Variants in RPH3A observed in about 807,000 individuals in gnomAD.
RPH3A encodes rabphilin-3A.
RPH3A carries 48 observed loss-of-function variants against 102.2 expected under a neutral mutation model. The observed-to-expected ratio is 0.47, with a 90% CI of 0.37 to 0.60. The LOEUF (loss-of-function observed/expected upper bound fraction) is 0.60. RPH3A is among the 20% of genes least tolerant of loss of function. RPH3A has a pLI of 0.00. For synonymous variants in RPH3A, 310 were observed against 324.3 expected (o/e 0.96, Z 0.47); for missense variants, 781 against 910.1 (o/e 0.86, Z 1.83).
chr12:112,760,315 T>C (rs1000489248), intron 1 of RPH3A, among the ~76,000 whole-genome samples: 1 of 152,186 alleles, frequency 6.6e-6, no homozygotes, highest in African/African-American at 2.4e-5. Context: ...ATTGTCTTCT[T>C]TTGTACAACC....
At chr12:112,720,462 A>T (rs1408344848) in intron 1 of RPH3A, among the ~76,000 whole-genome samples, 1 of 152,246 alleles carries the variant, frequency 6.6e-6, no homozygotes, top group African/African-American at 2.4e-5. Context: ...TAAAAGAACA[A>T]GATTTTCCTT....
At chr12:112,784,418 A>G (rs2041030290) in intron 1 of RPH3A, among the ~76,000 whole-genome samples, 1 of 152,132 alleles carries the variant, frequency 6.6e-6, no homozygotes, top group Non-Finnish European at 1.5e-5. Context: ...AAAATTGTTC[A>G]AAGACAGCAG....
Position 112,640,784 on chromosome 12 carries a change from A to AT in RPH3A, c.-140+65466dup, listed in dbSNP as rs2039883871. On this transcript the variant is annotated intron_variant, in intron 1 of 21. Transcript: ENST00000543106. ...TGGAGGAGTGTGAAGAATGATGAAC[A>AT]TGACAAGTGAGAATCCTTTAGTCTC... Among the ~76,000 whole-genome samples the AT allele has an allele frequency of 2.0e-5, 3 of 152,174 alleles. No individual in the cohort carries two copies. In the South Asian group the frequency reaches 6.2e-4, roughly 32 times the overall value.
intron 1 of RPH3A, among the ~76,000 whole-genome samples, chr12:112,673,098 G>C (rs1036868075): frequency 4.6e-5 from 7 of 151,912 alleles, no homozygotes; most frequent in Admixed American, 3.9e-4. Context: ...TTCCCTCTCT[G>C]TCTCATTTCC....
chr12:112,789,887 CAAA>C (rs144494791), upstream of RPH3A, among the ~76,000 whole-genome samples: 5 of 70,784 alleles, frequency 7.1e-5, no homozygotes, highest in South Asian at 5.0e-4. Context: ...CCCATCTCTG[CAAA>C]AAAAAAAAAA....
At chr12:112,793,086 T>A (rs2041156118) in intron 2 of RPH3A, among the ~76,000 whole-genome samples, 1 of 152,152 alleles carries the variant, frequency 6.6e-6, no homozygotes. Context: ...TCAGTTTTGT[T>A]CCAGGGTAGA....
intron 1 of RPH3A, among the ~76,000 whole-genome samples, chr12:112,614,612 C>T (rs1223215522): frequency 2.1e-5 from 3 of 141,182 alleles, no homozygotes; most frequent in Admixed American, 7.6e-5. Context: ...CTCCTGAGCC[C>T]GGGAAGTCCA....
chr12:112,829,443 A>C (rs1367942961), intron 3 of RPH3A, among the ~76,000 whole-genome samples: 3 of 151,408 alleles, frequency 2.0e-5, no homozygotes, highest in Admixed American at 1.3e-4. Flanking sequence ...GCTAACTTTA[A>C]TTTCTTTTTG....
At chr12:112,778,305 C>A (rs2040982602) in intron 1 of RPH3A, among the ~76,000 whole-genome samples, 1 of 152,196 alleles carries the variant, frequency 6.6e-6, no homozygotes, top group Non-Finnish European at 1.5e-5. Flanking sequence ...GCCAAACTGG[C>A]TCCCACTGAT....
intron 1 of RPH3A, among the ~76,000 whole-genome samples, chr12:112,709,549 CA>C (rs369557001): frequency 0.012 from 1,586 of 128,184 alleles, 11 homozygotes; most frequent in Middle Eastern, 0.048. Context: ...AACCCTGTCT[CA>C]AAAAAAAAAA....
chr12:112,811,768 A>ATG (rs1369811679), intron 2 of RPH3A, among the ~76,000 whole-genome samples: 1 of 152,202 alleles, frequency 6.6e-6, no homozygotes, highest in Admixed American at 6.5e-5. Flanking sequence ...AGTATTGGCT[A>ATG]TGTGTGTGTA....
intron 1 of RPH3A, among the ~76,000 whole-genome samples, chr12:112,610,819 G>A (rs1163557105): frequency 1.3e-5 from 2 of 152,006 alleles, no homozygotes; most frequent in African/African-American, 4.8e-5. Flanking sequence ...CTTATCTTTA[G>A]TAGAGACAGG....
intron 1 of RPH3A, among the ~76,000 whole-genome samples, chr12:112,718,429 T>C (rs534391092): frequency 1.3e-5 from 2 of 152,142 alleles, no homozygotes; most frequent in African/African-American, 4.8e-5. Flanking sequence ...ATGTCTAAAG[T>C]CTATAACAAT....
chr12:112,792,535 C>T (rs1379546880), intron 2 of RPH3A, among the ~76,000 whole-genome samples: 1 of 152,170 alleles, frequency 6.6e-6, no homozygotes, highest in Non-Finnish European at 1.5e-5. Flanking sequence ...CCCAATTTGC[C>T]CTCTCCTTTG....
chr12:112,891,414 G>A (rs114097616), intron 19 of RPH3A, among the ~76,000 whole-genome samples: 6,437 of 152,264 alleles, frequency 0.042, 366 homozygotes, highest in African/African-American at 0.13. Context: ...CATGCCTTCA[G>A]TCTGGGGTCT....
chr12:112,712,985 TCGTCTTTG>T (rs2040481701), intron 1 of RPH3A, among the ~76,000 whole-genome samples: 2 of 112,286 alleles, frequency 1.8e-5, no homozygotes, highest in African/African-American at 3.0e-5. Flanking sequence ...TTCTTCTTCG[TCGTCTTTG>T]TCTTCCTCTT....
intron 12 of RPH3A, 47 bp downstream of exon 12, chr12:112,875,788 C>T (rs148149726): frequency 1.3e-6 from 2 of 1,558,560 alleles, no homozygotes; most frequent in African/African-American, 2.7e-5. Context: ...CCACCTCTCC[C>T]CTACCTCCCT....
In RPH3A at chr12:112,662,246, G is replaced by C. The variant is rs76241992; in HGVS notation, c.-140+86927G>C. On this transcript the variant is annotated intron_variant, in intron 1 of 21. Coordinates refer to the RPH3A transcript ENST00000543106. Reference sequence around the variant, plus strand: ...TATTGTAAGGGAGTGTTTCCCTGGCGTGTCTCCCATTTGACTCACTCCAGA... The same window carrying C: ...TATTGTAAGGGAGTGTTTCCCTGGCCTGTCTCCCATTTGACTCACTCCAGA... Among the ~76,000 whole-genome samples the C allele has an allele frequency of 5.8e-3, 877 of 152,246 alleles. 8 individuals are homozygous for C. The highest frequency in any genetic ancestry group is 0.019 in the South Asian group (93 of 4,820).
At chr12:112,806,169 G>A (rs2041457700) in intron 2 of RPH3A, among the ~76,000 whole-genome samples, 3 of 152,186 alleles carry the variant, frequency 2.0e-5, no homozygotes, top group Non-Finnish European at 2.9e-5. Flanking sequence ...GTCACTTACT[G>A]CAAATACCTT....
Sources: allele counts gnomAD v4.1 joint callset (sites outside exome capture counted in the v4.1 genomes callset), GRCh38; gene constraint gnomAD v4.1.1; transcripts MANE v1.5; gene names NCBI Gene and HGNC (gene_info 2026-07-23, HGNC 2026-07-21).